Variants in DISP3 observed in about 807,000 individuals in gnomAD.
DISP3 encodes protein dispatched homolog 3.
A neutral mutation model predicts 135.3 loss-of-function variants in DISP3; 101 were observed. The observed-to-expected ratio is 0.75, with a 90% CI of 0.64 to 0.88. The LOEUF (loss-of-function observed/expected upper bound fraction) is 0.88. Ranked by LOEUF, DISP3 falls within the 40% of genes least tolerant of loss-of-function variation. The pLI, the probability that DISP3 is intolerant of heterozygous loss-of-function variation, is 0.00. For missense variants in DISP3, 1,713 were observed against 1,878.6 expected, an observed-to-expected ratio of 0.91 and a Z score of 1.63; for synonymous variants, 856 against 817.0, an observed-to-expected ratio of 1.05 and a Z score of -0.81.
chr1:11,529,767 C>A lies in DISP3; in HGVS notation c.2930-20C>A. 6.2e-7 allele frequency: 1 copy of A among 1,607,904 alleles called. No homozygotes were observed. The highest frequency in any genetic ancestry group is 1.1e-5 in the South Asian group (1 of 90,666). On this transcript the variant is annotated intron_variant, in intron 14 of 20. Transcript: ENST00000294484. This position sits in a 1 kb window ranked among gnomAD's most constrained non-coding sequence, Gnocchi z 4.7. ...AGCTGGACCCTGCCTTCCCTTACAG[C>A]TGTGACTCCCTGTTCGCAGTGCCCA...
Position 11,517,048 on chromosome 1 carries a change from AGTCCCCAGG to A in DISP3, c.1750-409_1750-401del, listed in dbSNP as rs373505972. The stretch of plus-strand genomic sequence containing the variant: ...CTTCTGGAACATACCCATTGCTCCT[AGTCCCCAGG>A]GTCCCTGCCTCCGTCATGTGGCAGC... On this transcript the variant is annotated intron_variant, in intron 6 of 20. Coordinates refer to ENST00000294484, the MANE Select transcript of DISP3 (RefSeq NM_020780.2). Among the ~76,000 whole-genome samples the A allele has an allele frequency of 2.4e-3, 372 of 152,292 alleles. 2 individuals are homozygous for A. Among genetic ancestry groups the A allele is most frequent in the African/African-American group, 8.5e-3 (354 of 41,568 alleles).
At chr1:11,495,201 C>A (rs767537475) in intron 1 of DISP3, among the ~76,000 whole-genome samples, 2 of 152,102 alleles carry the variant, frequency 1.3e-5, no homozygotes, top group African/African-American at 4.8e-5. Flanking sequence ...ACCAGCCTGG[C>A]CAACATGGTG....
chr1:11,506,484 C>A (rs1330144692), intron 3 of DISP3, among the ~76,000 whole-genome samples: 1 of 150,774 alleles, frequency 6.6e-6, no homozygotes, highest in Non-Finnish European at 1.5e-5. Context: ...ATTCACTGAT[C>A]CTGCTTTCTA....
intron 17 of DISP3, among the ~76,000 whole-genome samples, chr1:11,532,454 AC>A (rs1352876133): frequency 1.3e-5 from 2 of 152,156 alleles, no homozygotes; most frequent in East Asian, 3.9e-4. Context: ...AATCAATGTG[AC>A]GGCTTAACTG....
intron 3 of DISP3, among the ~76,000 whole-genome samples, chr1:11,503,894 C>A (rs1183782411): frequency 7.9e-5 from 12 of 152,144 alleles, no homozygotes; most frequent in Admixed American, 7.9e-4. Context: ...AAGAGATGAG[C>A]TAACAGATGT....
At position 11,525,279 on chromosome 1, in the gene DISP3, G is replaced by A; in HGVS notation, c.2580G>A (p.Val860=). The part of the protein sequence containing the change: ...NASLPAPWQA[V]SPGDGEVPSF... The stretch of plus-strand genomic sequence containing the variant: ...GCCTGCCTGCTCCTTGGCAGGCTGT[G>A]TCGCCTGGGGATGGAGAGGTGCCCT... The change falls in exon 12 of 21, where the codon GTG becomes GTA. Residue 860 remains valine, a synonymous_variant. Coordinates refer to ENST00000294484, the MANE Select transcript of DISP3 (RefSeq NM_020780.2). 6.2e-7 allele frequency: 1 copy of A among 1,613,952 alleles called. No individual in the cohort carries two copies. Among genetic ancestry groups the A allele is most frequent in the Non-Finnish European group, 8.5e-7 (1 of 1,179,898 alleles).
At chr1:11,495,467 G>A (rs1641306964) in intron 1 of DISP3, among the ~76,000 whole-genome samples, 1 of 152,164 alleles carries the variant, frequency 6.6e-6, no homozygotes, top group Non-Finnish European at 1.5e-5. Context: ...CTCACCCCAG[G>A]TCTGGTTGTT....
At chr1:11,523,719 G>A (rs1570133957) in intron 10 of DISP3, among the ~76,000 whole-genome samples, 1 of 152,246 alleles carries the variant, frequency 6.6e-6, no homozygotes, top group African/African-American at 2.4e-5. Context: ...TCTCTGGGCA[G>A]GCTGATGGTG....
At chr1:11,510,416 G>A (rs1451426309) in intron 3 of DISP3, among the ~76,000 whole-genome samples, 1 of 151,828 alleles carries the variant, frequency 6.6e-6, no homozygotes, top group African/African-American at 2.4e-5. Context: ...CATTTCATAT[G>A]TAGTATAAGA....
intron 17 of DISP3, among the ~76,000 whole-genome samples, chr1:11,532,017 C>T (rs945617652): frequency 6.6e-6 from 1 of 152,198 alleles, no homozygotes; most frequent in African/African-American, 2.4e-5. Context: ...CTGTAGGGGC[C>T]GGTGGAAGTC....
chr1:11,521,271 G>GGGA (rs1642181294), intron 10 of DISP3, among the ~76,000 whole-genome samples: 1 of 129,110 alleles, frequency 7.7e-6, no homozygotes, highest in Admixed American at 7.5e-5. Flanking sequence ...GAAAGAAGAG[G>GGGA]GGTCAACCAG....
In DISP3 at chr1:11,531,256, G is replaced by A. The variant is rs1642569624; in HGVS notation, c.3229+223G>A. ...AGGCTTGTGTGTGAACAGGACTGGT[G>A]CAGAGGTGCATGTGTGTGGGATGGG... On this transcript the variant is annotated intron_variant, in intron 16 of 20. Coordinates refer to ENST00000294484, the MANE Select transcript of DISP3 (RefSeq NM_020780.2). The surrounding 1 kb of genome is among the most constrained non-coding windows in gnomAD (Gnocchi z 5.2). Among the ~76,000 whole-genome samples the A allele has an allele frequency of 6.6e-6, 1 of 152,150 alleles. No homozygotes were observed. The highest frequency in any genetic ancestry group is 1.5e-5 in the Non-Finnish European group (1 of 68,024).
At chr1:11,484,032 C>T (rs1169824308) in intron 1 of DISP3, among the ~76,000 whole-genome samples, 2 of 152,234 alleles carry the variant, frequency 1.3e-5, no homozygotes. Context: ...GGGGACCTAA[C>T]TGATGCAGCC....
At chr1:11,527,086 A>C (rs1238324866) in intron 13 of DISP3, among the ~76,000 whole-genome samples, 1 of 151,600 alleles carries the variant, frequency 6.6e-6, no homozygotes, top group African/African-American at 2.4e-5. Flanking sequence ...ATGCACCACC[A>C]CTGGTACCTG....
rs987454457 is a variant in DISP3 at position 11,516,406 on chromosome 1, C to A, written c.1749+245C>A. 6.6e-6 allele frequency among the ~76,000 whole-genome samples: 1 copy of A among 152,190 alleles called. No individual in the cohort carries two copies. Among genetic ancestry groups the A allele is most frequent in the African/African-American group, 2.4e-5 (1 of 41,430 alleles). ...TCAGTAGTAGTAATCCAGCCTCCACCCTGGAGGACATTTGGCAGTTTCCAA... is the reference window on the plus strand; with the variant it reads ...TCAGTAGTAGTAATCCAGCCTCCACACTGGAGGACATTTGGCAGTTTCCAA... On this transcript the variant is annotated intron_variant, in intron 6 of 20. Transcript: ENST00000294484. This position sits in a 1 kb window ranked among gnomAD's most constrained non-coding sequence, Gnocchi z 5.1.
At position 11,536,738 on chromosome 1, in the gene DISP3, G is replaced by A. The variant is rs1642716409; in HGVS notation, c.*52G>A. The A allele has an allele frequency of 1.4e-6, 2 of 1,463,358 alleles. No homozygotes were observed. Among genetic ancestry groups the A allele is most frequent in the African/African-American group, 2.8e-5 (2 of 70,356 alleles). The allele number at this position is 1,463,358 out of a possible 1,614,324, so 90.6% of individuals were successfully genotyped here. ...CCTTTGGTCCCATGGGTGGGGGACA[G>A]GAGCTGCTTCCCAGCTCGACTTCAG... is the stretch of plus-strand genomic sequence containing the variant. On this transcript the variant is annotated 3_prime_UTR_variant, in exon 21 of 21. Coordinates refer to ENST00000294484, the MANE Select transcript of DISP3 (RefSeq NM_020780.2). This position sits in a 1 kb window ranked among gnomAD's most constrained non-coding sequence, Gnocchi z 4.3.
At chr1:11,484,341 G>T (rs568299693) in intron 1 of DISP3, among the ~76,000 whole-genome samples, 1 of 152,348 alleles carries the variant, frequency 6.6e-6, no homozygotes, top group African/African-American at 2.4e-5. Flanking sequence ...CTCTGGGGGA[G>T]AAGAAGGTGA....
intron 3 of DISP3, among the ~76,000 whole-genome samples, chr1:11,510,140 C>CT (rs1377174450): frequency 2.0e-5 from 3 of 152,122 alleles, no homozygotes; most frequent in Non-Finnish European, 2.9e-5. Context: ...CTGATACTTT[C>CT]TGCCTTTTAC....
Position 11,524,087 on chromosome 1 carries a change from C to G in DISP3, c.2476+32C>G, listed in dbSNP as rs76782247. ...ACTGGGGGTGGAGGGTGGGGAAATC[C>G]TCCCTGGTGCTAGGGTTGAAGGCCC... On this transcript the variant is annotated intron_variant, in intron 11 of 20. Transcript: ENST00000294484. 1.2e-4 allele frequency: 184 copies of G among 1,506,758 alleles called. 1 individual carries two copies. In the East Asian group the frequency reaches 4.2e-3, roughly 34 times the overall value. 93.3% of individuals were successfully genotyped at this position (1,506,758 alleles called of 1,614,324 possible). A position where few individuals can be genotyped will look rare whatever the true frequency, so the allele number is the denominator to read the frequency against.
Sources: gnomAD v4.1 joint callset for allele counts (sites outside exome capture counted in the v4.1 genomes callset) on GRCh38, gnomAD v4.1.1 for gene constraint, Gnocchi (gnomAD v3.1) non-coding constraint, MANE v1.5 for transcripts, NCBI Gene and HGNC (gene_info 2026-07-23, HGNC 2026-07-21) for gene names.